Variants in EMC2 observed in about 807,000 individuals in gnomAD.
EMC2 encodes the protein ER membrane protein complex subunit 2.
In EMC2, 37 loss-of-function variants were observed where a neutral mutation model predicts 51.6. That is an observed-to-expected ratio of 0.72 (90% CI 0.55 to 0.94). The LOEUF (loss-of-function observed/expected upper bound fraction) is 0.94, where lower values mean the gene tolerates loss of function less well. Ranked by LOEUF, EMC2 falls within the 40% of genes least tolerant of loss-of-function variation. The pLI, the probability that EMC2 is intolerant of heterozygous loss-of-function variation, is 0.00. For missense variants in EMC2, 359 were observed against 350.9 expected, an observed-to-expected ratio of 1.02 and a Z score of -0.18; for synonymous variants, 131 against 112.4, an observed-to-expected ratio of 1.17 and a Z score of -1.04.
chr8:108,466,208 T>G (rs184827183), intron 5 of EMC2, among the ~76,000 whole-genome samples: 1 of 152,260 alleles, frequency 6.6e-6, no homozygotes, highest in Admixed American at 6.5e-5. Context: ...ATTAAGGCTC[T>G]TTATCATGAG....
chr8:108,453,705 G>A (rs550207449), intron 4 of EMC2, among the ~76,000 whole-genome samples: 4 of 151,904 alleles, frequency 2.6e-5, no homozygotes, highest in South Asian at 2.1e-4. Flanking sequence ...TCTTTTTGCC[G>A]TCTTTTAAAA....
At chr8:108,463,166 T>C (rs1312034892) in intron 5 of EMC2, among the ~76,000 whole-genome samples, 1 of 152,226 alleles carries the variant, frequency 6.6e-6, no homozygotes, top group Non-Finnish European at 1.5e-5. Context: ...TCTTAGAGAA[T>C]GGAGTATGAA....
chr8:108,465,956 A>T (rs1819455085), intron 5 of EMC2, among the ~76,000 whole-genome samples: 1 of 152,202 alleles, frequency 6.6e-6, no homozygotes, highest in African/African-American at 2.4e-5. Context: ...GGTGAAAGGG[A>T]GTGATAGAAT....
intron 2 of EMC2, 89 bp from the exon 3 acceptor site, chr8:108,450,339 A>T: frequency 1.3e-6 from 1 of 790,176 alleles, no homozygotes; most frequent in Non-Finnish European, 2.2e-6. Context: ...AATGTTCTCT[A>T]GAAATATCAG....
Position 108,469,718 on chromosome 8 carries a change from A to G in EMC2, c.364-108A>G, listed in dbSNP as rs932576075. 2.6e-5 allele frequency: 23 copies of G among 873,312 alleles called. 1 individual carries two copies. Among genetic ancestry groups the G allele is most frequent in the Middle Eastern group, 2.2e-4 (1 of 4,446 alleles). The allele number at this position is 873,312 out of a possible 1,614,324, so 54.1% of individuals were successfully genotyped here. A position where few individuals can be genotyped will look rare whatever the true frequency, so the allele number is the denominator to read the frequency against. ...ACTCCCACTAAGCAGTAGTTCTACAATGGAATTTCTCTGGCATTGAGATAA... is the reference window on the plus strand; with the variant it reads ...ACTCCCACTAAGCAGTAGTTCTACAGTGGAATTTCTCTGGCATTGAGATAA... On this transcript the variant is annotated intron_variant, in intron 5 of 10. Transcript: ENST00000220853.
chr8:108,465,301 A>T (rs1284550244), intron 5 of EMC2, among the ~76,000 whole-genome samples: 1 of 152,196 alleles, frequency 6.6e-6, no homozygotes, highest in Non-Finnish European at 1.5e-5. Flanking sequence ...TCTAGTCTTC[A>T]TTCAGGGTCT....
At chr8:108,486,426 G>C (rs1263493367) in intron 10 of EMC2, 86 bp from the exon 11 acceptor site, 1 of 1,407,892 alleles carries the variant, frequency 7.1e-7, no homozygotes, top group African/African-American at 1.5e-5. Flanking sequence ...TCAATGTTAA[G>C]TTTCATTAAC....
chr8:108,482,291 G>T (rs1811056630), intron 10 of EMC2, among the ~76,000 whole-genome samples: 1 of 152,044 alleles, frequency 6.6e-6, no homozygotes, highest in Non-Finnish European at 1.5e-5. Flanking sequence ...TTTCTCATTG[G>T]TTTGCATGAC....
At chr8:108,470,170 G>C (rs1208564200) in intron 7 of EMC2, 49 bp downstream of exon 7, 3 of 1,309,832 alleles carry the variant, frequency 2.3e-6, no homozygotes, top group Non-Finnish European at 3.3e-6. Context: ...TTTCATCACT[G>C]TAAGTTCAGA....
chr8:108,480,617 T>A (rs1811028894), intron 10 of EMC2, among the ~76,000 whole-genome samples: 1 of 152,184 alleles, frequency 6.6e-6, no homozygotes, highest in Non-Finnish European at 1.5e-5. Flanking sequence ...ATATTGTTGT[T>A]ACAGTTTGTG....
chr8:108,461,103 C>T (rs939696030), intron 5 of EMC2, among the ~76,000 whole-genome samples: 2 of 152,178 alleles, frequency 1.3e-5, no homozygotes, highest in Non-Finnish European at 2.9e-5. Context: ...AAGACATCGC[C>T]GTTTCTTTTT....
intron 1 of EMC2, among the ~76,000 whole-genome samples, chr8:108,445,598 T>TG (rs1818859960): frequency 6.7e-6 from 1 of 149,338 alleles, no homozygotes; most frequent in African/African-American, 2.5e-5. Context: ...CCACCAAAAT[T>TG]GAAAAAAAAA....
chr8:108,444,608 C>CGAAAACA, intron 1 of EMC2, among the ~76,000 whole-genome samples: 1 of 152,076 alleles, frequency 6.6e-6, no homozygotes, highest in Non-Finnish European at 1.5e-5. Flanking sequence ...ACATGTGGAC[C>CGAAAACA]GAAAGTTGTA....
At chr8:108,467,461 G>T (rs920116815) in intron 5 of EMC2, among the ~76,000 whole-genome samples, 1 of 151,884 alleles carries the variant, frequency 6.6e-6, no homozygotes, top group African/African-American at 2.4e-5. Flanking sequence ...TGATTCTCCT[G>T]CCTCAGCCTC....
chr8:108,458,160 A>G (rs368401106), intron 5 of EMC2, among the ~76,000 whole-genome samples: 8 of 152,182 alleles, frequency 5.3e-5, no homozygotes, highest in African/African-American at 9.7e-5. Flanking sequence ...GTGGATTCCT[A>G]TGGTCTTGGG....
intron 5 of EMC2, among the ~76,000 whole-genome samples, chr8:108,457,926 A>G (rs1239376803): frequency 6.6e-6 from 1 of 152,228 alleles, no homozygotes; most frequent in African/African-American, 2.4e-5. Flanking sequence ...AGTCCCTTCC[A>G]CCTATGATCC....
rs1811173839 is a variant in EMC2, at chr8:108,488,018, G to C, written c.*1420G>C. On this transcript the variant is annotated 3_prime_UTR_variant, in exon 11 of 11. Coordinates refer to ENST00000220853, the MANE Select transcript of EMC2 (RefSeq NM_014673.5). Reference sequence around the variant, plus strand: ...GAACCATTTGAAATTTACATTTTCTGTAAAGAAAATAGTGCCTGCACGTTG... The same window carrying C: ...GAACCATTTGAAATTTACATTTTCTCTAAAGAAAATAGTGCCTGCACGTTG... Among the ~76,000 whole-genome samples, 1 of 152,012 alleles carries C rather than the reference G, an allele frequency of 6.6e-6. No individual in the cohort carries two copies. Among genetic ancestry groups the C allele is most frequent in the African/African-American group, 2.4e-5 (1 of 41,388 alleles).
chr8:108,448,913 C>G (rs1024786698), intron 1 of EMC2, among the ~76,000 whole-genome samples: 1 of 151,972 alleles, frequency 6.6e-6, no homozygotes, highest in African/African-American at 2.4e-5. Flanking sequence ...TTTTCTTTTG[C>G]TCAGCATTTT....
intron 1 of EMC2, 106 bp downstream of exon 1, chr8:108,443,804 C>A: frequency 1.0e-6 from 1 of 979,754 alleles, no homozygotes; most frequent in Non-Finnish European, 1.6e-6. Flanking sequence ...CTTTTTGGTA[C>A]CAGAGCCCTC....
Sources: gnomAD v4.1 joint callset for allele counts (sites outside exome capture counted in the v4.1 genomes callset) on GRCh38, gnomAD v4.1.1 for gene constraint, MANE v1.5 for transcripts, NCBI Gene and HGNC (gene_info 2026-07-23, HGNC 2026-07-21) for gene names.